The following ARFGAP3 variants were observed in gnomAD, a reference collection of about 807,000 sequenced individuals.
ARFGAP3 encodes ARF GTPase activating protein 3.
A neutral mutation model predicts 75.0 loss-of-function variants in ARFGAP3; 72 were observed. The observed-to-expected ratio is 0.96, with a 90% CI of 0.79 to 1.17. The LOEUF (loss-of-function observed/expected upper bound fraction) is 1.17, where lower values mean the gene tolerates loss of function less well. Among genes scored for constraint, ARFGAP3 ranks in the 50% most tolerant of loss-of-function variants. The pLI, the probability that ARFGAP3 is intolerant of heterozygous loss-of-function variation, is 0.00. For synonymous variants in ARFGAP3, 221 were observed against 217.9 expected, an observed-to-expected ratio of 1.01 and a Z score of -0.13; for missense variants, 620 against 626.6, an observed-to-expected ratio of 0.99 and a Z score of 0.11.
intron 3 of ARFGAP3, among the ~76,000 whole-genome samples, chr22:42,838,618 T>C (rs903506166): frequency 2.0e-5 from 3 of 151,866 alleles, no homozygotes; most frequent in Non-Finnish European, 2.9e-5. Context: ...TTGAAATGCA[T>C]ACAAATTTGA....
At chr22:42,823,130 C>CA (rs1360431609) in intron 8 of ARFGAP3, among the ~76,000 whole-genome samples, 1 of 151,764 alleles carries the variant, frequency 6.6e-6, no homozygotes, top group African/African-American at 2.4e-5. Flanking sequence ...TTTTCCCCCC[C>CA]AAATAATTTT....
At chr22:42,848,688 C>A (rs1042524015) in intron 1 of ARFGAP3, among the ~76,000 whole-genome samples, 1 of 152,176 alleles carries the variant, frequency 6.6e-6, no homozygotes, top group Non-Finnish European at 1.5e-5. Context: ...TCCTTCCTGG[C>A]AGTGGCTATA....
chr22:42,838,242 T>C (rs1015438471), intron 3 of ARFGAP3, among the ~76,000 whole-genome samples: 5 of 150,776 alleles, frequency 3.3e-5, no homozygotes, highest in Admixed American at 1.3e-4. Flanking sequence ...CCTCTGACTT[T>C]AACTATTTAA....
chr22:42,831,250 G>A lies in ARFGAP3; in HGVS notation c.565+299C>T, dbSNP rs564289683. On this transcript the variant is annotated intron_variant, in intron 6 of 15. Coordinates refer to ENST00000263245, the MANE Select transcript of ARFGAP3 (RefSeq NM_014570.5). The stretch of plus-strand genomic sequence containing the variant: ...TGCAGTGAGCCGAGATCACACCATC[G>A]CACTCCAGCCTCGGCTACAGAGCAA... Among the ~76,000 whole-genome samples the A allele has an allele frequency of 8.6e-4, 120 of 140,184 alleles. 1 individual carries two copies. Among genetic ancestry groups the A allele is most frequent in the Non-Finnish European group, 7.7e-4 (51 of 66,314 alleles). 92.0% of individuals were successfully genotyped at this position (140,184 alleles called of 152,430 possible).
chr22:42,842,100 G>A (rs1045095005), intron 2 of ARFGAP3, among the ~76,000 whole-genome samples: 1 of 147,460 alleles, frequency 6.8e-6, no homozygotes, highest in African/African-American at 2.5e-5. Flanking sequence ...TGCCTCCTGG[G>A]TTCAAGTGAT....
rs1924624637 is a variant in ARFGAP3 at position 42,796,820 on chromosome 22, C to T, written c.*768G>A. On this transcript the variant is annotated 3_prime_UTR_variant, in exon 16 of 16. Coordinates refer to ENST00000263245, the MANE Select transcript of ARFGAP3 (RefSeq NM_014570.5). ...ACGCAACTATTTTCTGTAGCTGTAT[C>T]TTCTTACCTCATTCCACTTTAACTC... 6.6e-6 allele frequency: 1 copy of T among 152,220 alleles called. No individual in the cohort carries two copies. The highest frequency in any genetic ancestry group is 6.5e-5 in the Admixed American group (1 of 15,280). 9.4% of individuals were successfully genotyped at this position (152,220 alleles called of 1,614,324 possible).
rs1926752588 is a variant in ARFGAP3 at position 42,840,922 on chromosome 22, G to A, written c.261+22C>T. On this transcript the variant is annotated intron_variant, in intron 3 of 15. Transcript: ENST00000263245. ...CAAATATTTAAACAAGAAGGAAAAT[G>A]ACGAGTTTGAGATGAACTTACTGCA... 6.8e-6 allele frequency: 11 copies of A among 1,611,198 alleles called. No individual in the cohort carries two copies. In the East Asian group the frequency reaches 2.5e-4, roughly 36 times the overall value.
At position 42,810,925 on chromosome 22, in the gene ARFGAP3, C is replaced by T; in HGVS notation, c.1084G>A (p.Glu362Lys). 10 of 1,614,166 alleles carry T rather than the reference C, an allele frequency of 6.2e-6. No individual in the cohort carries two copies. Among genetic ancestry groups the T allele is most frequent in the Non-Finnish European group, 8.5e-6 (10 of 1,180,000 alleles). Residue 362 changes from glutamate to lysine, a missense_variant, in exon 12 of 16, where the codon GAG becomes AAG. Glu to Lys is a moderately conservative substitution (Grantham distance 56, BLOSUM62 1). Coordinates refer to ENST00000263245, the MANE Select transcript of ARFGAP3 (RefSeq NM_014570.5). ...SSSSYFDEPV[E>K]LRSSSFSSWD... ...CTAGAGAAAGAACTGCTCCTTAACT[C>T]CACTGGCTCGTCAAAGTAACTGTAG...
chr22:42,822,113 A>G (rs542376217), intron 9 of ARFGAP3, among the ~76,000 whole-genome samples, 157 bp downstream of exon 9: 1 of 151,874 alleles, frequency 6.6e-6, no homozygotes, highest in African/African-American at 2.4e-5. Context: ...TTCCCTTCCA[A>G]TCCACATGCC....
rs1432384190 is a variant in ARFGAP3, at chr22:42,796,702, A to G, written c.*886T>C. ...AAACACAGCTAAATTATTTTTCTTT[A>G]TTTGTTTATACACATTCGGTAATTT... is the stretch of plus-strand genomic sequence containing the variant. On this transcript the variant is annotated 3_prime_UTR_variant, in exon 16 of 16. Coordinates refer to ENST00000263245, the MANE Select transcript of ARFGAP3 (RefSeq NM_014570.5). 2.6e-5 allele frequency: 4 copies of G among 152,094 alleles called. No individual in the cohort carries two copies. The highest frequency in any genetic ancestry group is 9.6e-5 in the African/African-American group (4 of 41,454). The allele number at this position is 152,094 out of a possible 1,614,324, so 9.4% of individuals were successfully genotyped here.
rs536400540 is a variant in ARFGAP3, at chr22:42,822,614, A to G, written c.673-205T>C. 6.3e-5 allele frequency: 12 copies of G among 189,492 alleles called. No homozygotes were observed. The East Asian group carries it at 2.1e-3, about 33-fold the overall frequency. The allele number at this position is 189,492 out of a possible 1,614,324, so 11.7% of individuals were successfully genotyped here. A position where few individuals can be genotyped will look rare whatever the true frequency, so the allele number is the denominator to read the frequency against. ...GGGAATTGGTTTCACGACCCTGTGG[A>G]TAACAAAATCTGCGATGATCAAGTC... On this transcript the variant is annotated intron_variant, in intron 8 of 15. Coordinates refer to ENST00000263245, the MANE Select transcript of ARFGAP3 (RefSeq NM_014570.5).
rs546806109 is a variant in ARFGAP3, at chr22:42,824,136, T to C, written c.626-434A>G. On this transcript the variant is annotated intron_variant, in intron 7 of 15. Coordinates refer to ENST00000263245, the MANE Select transcript of ARFGAP3 (RefSeq NM_014570.5). ...CCTTCCACTTCAGCCTCCTGAGTAG[T>C]TGGGATCACAGGTGCGCACCACCAC... 1.8e-3 allele frequency among the ~76,000 whole-genome samples: 269 copies of C among 150,622 alleles called. 5 individuals carry two copies. Among genetic ancestry groups the C allele is most frequent in the Non-Finnish European group, 1.3e-3 (89 of 67,800 alleles).
intron 8 of ARFGAP3, among the ~76,000 whole-genome samples, chr22:42,823,227 G>A (rs1925889471): frequency 6.6e-6 from 1 of 152,036 alleles, no homozygotes; most frequent in Non-Finnish European, 1.5e-5. Context: ...TAAGGAATGT[G>A]GCCAAGGTCA....
intron 6 of ARFGAP3, 76 bp from the exon 7 acceptor site, chr22:42,827,075 C>G: frequency 5.8e-6 from 9 of 1,539,658 alleles, no homozygotes; most frequent in Non-Finnish European, 7.8e-6. Flanking sequence ...AATAATTCAA[C>G]TTGCTCAGTG....
At position 42,825,268 on chromosome 22, in the gene ARFGAP3, C is replaced by A. The variant is rs147056945; in HGVS notation, c.626-1566G>T. ...AGACTCTAGCTCAAAAAAGTAATAA[C>A]AATAATAAAAATAAAGTTAGCTAGG... On this transcript the variant is annotated intron_variant, in intron 7 of 15. Transcript: ENST00000263245. Among the ~76,000 whole-genome samples, 116 of 152,218 alleles carry A rather than the reference C, an allele frequency of 7.6e-4. No homozygotes were observed. The East Asian group carries it at 0.02, about 26-fold the overall frequency.
intron 3 of ARFGAP3, among the ~76,000 whole-genome samples, chr22:42,838,087 G>A (rs1247284393): frequency 6.6e-6 from 1 of 151,684 alleles, no homozygotes; most frequent in Admixed American, 6.6e-5. Flanking sequence ...TGACAAAATT[G>A]TATTCCTTAG....
intron 6 of ARFGAP3, among the ~76,000 whole-genome samples, chr22:42,830,189 C>T (rs932040645): frequency 5.3e-5 from 8 of 152,096 alleles, no homozygotes; most frequent in Non-Finnish European, 8.8e-5. Flanking sequence ...GCAATCATAG[C>T]TCACTGCAGT....
intron 9 of ARFGAP3, among the ~76,000 whole-genome samples, chr22:42,822,002 G>T (rs993704350): frequency 6.6e-6 from 1 of 152,152 alleles, no homozygotes; most frequent in Admixed American, 6.5e-5. Flanking sequence ...CATGTTTCAT[G>T]TGTAAACACC....
chr22:42,844,504 G>C (rs1283953183), intron 2 of ARFGAP3, among the ~76,000 whole-genome samples: 2 of 151,308 alleles, frequency 1.3e-5, no homozygotes, highest in African/African-American at 4.9e-5. Flanking sequence ...AGAATTGCTT[G>C]AACCCGGGAG....
Sources: allele counts gnomAD v4.1 joint callset (sites outside exome capture counted in the v4.1 genomes callset), GRCh38; gene constraint gnomAD v4.1.1; transcripts MANE v1.5; gene names NCBI Gene and HGNC (gene_info 2026-07-23, HGNC 2026-07-21).